The following CNTNAP5 variants were observed in gnomAD, a reference collection of about 807,000 sequenced individuals.
CNTNAP5 encodes the protein contactin associated protein family member 5.
A neutral mutation model predicts 150.2 loss-of-function variants in CNTNAP5; 72 were observed. That is an observed-to-expected ratio of 0.48 (90% CI 0.40 to 0.58). The LOEUF is 0.58. Among genes scored for constraint, CNTNAP5 ranks in the 20% least tolerant of loss-of-function variants. The pLI is 0.00. For synonymous variants in CNTNAP5, 672 were observed against 619.8 expected (o/e 1.08, Z -1.25); for missense variants, 1,636 against 1,626.2 (o/e 1.01, Z -0.10).
chr2:124,539,984 A>G (rs1695340812), intron 10 of CNTNAP5, among the ~76,000 whole-genome samples: 1 of 152,194 alleles, frequency 6.6e-6, no homozygotes, highest in Admixed American at 6.5e-5. Flanking sequence ...TACTGTAGAC[A>G]TAGCAGTAGA....
intron 1 of CNTNAP5, among the ~76,000 whole-genome samples, chr2:124,154,195 C>A (rs1459360996): frequency 6.6e-6 from 1 of 152,070 alleles, no homozygotes; most frequent in Non-Finnish European, 1.5e-5. Flanking sequence ...CCCTTTTGAG[C>A]CAGAAGGAGC....
intron 3 of CNTNAP5, among the ~76,000 whole-genome samples, chr2:124,367,477 A>T (rs899454832): frequency 6.6e-6 from 1 of 152,146 alleles, no homozygotes; most frequent in Admixed American, 6.5e-5. Context: ...CACCCCCATG[A>T]TTCAATTACC....
chr2:124,461,221 T>C (rs956223598), intron 6 of CNTNAP5, among the ~76,000 whole-genome samples: 4 of 152,214 alleles, frequency 2.6e-5, no homozygotes, highest in African/African-American at 4.8e-5. Context: ...TAAAGACACA[T>C]GCAGACGTAT....
intron 8 of CNTNAP5, among the ~76,000 whole-genome samples, chr2:124,515,357 C>CT (rs1301156657): frequency 6.6e-6 from 1 of 152,162 alleles, no homozygotes; most frequent in Non-Finnish European, 1.5e-5. Flanking sequence ...GAAGAGGAGA[C>CT]TAACATGGAC....
At chr2:124,827,695 A>G (rs1682627483) in intron 19 of CNTNAP5, among the ~76,000 whole-genome samples, 1 of 152,194 alleles carries the variant, frequency 6.6e-6, no homozygotes, top group African/African-American at 2.4e-5. Context: ...TTCGTATAAT[A>G]CATTTTCCTT....
At chr2:124,076,528 G>C (rs878863165) in intron 1 of CNTNAP5, among the ~76,000 whole-genome samples, 4 of 152,002 alleles carry the variant, frequency 2.6e-5, no homozygotes, top group Non-Finnish European at 5.9e-5. Context: ...TTTCTCAACT[G>C]TCCTCCTGTC....
chr2:124,025,475 C>T lies in CNTNAP5; in HGVS notation c.-176C>T, dbSNP rs944448253. On this transcript the variant is annotated 5_prime_UTR_variant, in exon 1 of 24. Coordinates refer to ENST00000682447, the MANE Select transcript of CNTNAP5 (RefSeq NM_001367498.1). ...CCCCAGCTGCAGCTCCGAAGAATCCCCCGCCACGGTTTCGGTGGAGCGTCT... is the reference window on the plus strand; with the variant it reads ...CCCCAGCTGCAGCTCCGAAGAATCCTCCGCCACGGTTTCGGTGGAGCGTCT... The T allele has an allele frequency of 1.9e-5, 12 of 616,474 alleles. No individual in the cohort carries two copies. Among genetic ancestry groups the T allele is most frequent in the African/African-American group, 1.7e-4 (9 of 54,424 alleles). The allele number at this position is 616,474 out of a possible 1,614,324, so 38.2% of individuals were successfully genotyped here.
chr2:124,815,698 A>T (rs1573636254), intron 19 of CNTNAP5, among the ~76,000 whole-genome samples: 1 of 150,924 alleles, frequency 6.6e-6, no homozygotes, highest in East Asian at 1.9e-4. Context: ...AAAATATACA[A>T]CTCCAGTTTT....
At chr2:124,430,177 G>C (rs957680424) in intron 4 of CNTNAP5, among the ~76,000 whole-genome samples, 6 of 152,282 alleles carry the variant, frequency 3.9e-5, no homozygotes, top group African/African-American at 1.4e-4. Flanking sequence ...CAGATGAGCT[G>C]AGCATCGTGG....
chr2:124,036,346 T>C (rs534843687), intron 1 of CNTNAP5, among the ~76,000 whole-genome samples: 9 of 151,954 alleles, frequency 5.9e-5, no homozygotes, highest in Admixed American at 5.2e-4. Flanking sequence ...GAACAGAAAC[T>C]GTTCACTAAG....
chr2:124,131,355 C>T (rs890382572), intron 1 of CNTNAP5, among the ~76,000 whole-genome samples: 4 of 152,192 alleles, frequency 2.6e-5, no homozygotes, highest in Admixed American at 2.0e-4. Context: ...CCATGAGATG[C>T]TTCCCCCAGG....
At chr2:124,366,797 G>A (rs555128120) in intron 3 of CNTNAP5, among the ~76,000 whole-genome samples, 2 of 152,228 alleles carry the variant, frequency 1.3e-5, no homozygotes, top group African/African-American at 2.4e-5. Context: ...AGAAAAGAGG[G>A]CTGAGTCTTA....
At chr2:124,247,426 C>T (rs901868776) in intron 3 of CNTNAP5, among the ~76,000 whole-genome samples, 1 of 152,082 alleles carries the variant, frequency 6.6e-6, no homozygotes, top group South Asian at 2.1e-4. Flanking sequence ...TATGGTAGCA[C>T]GGCAGCAGTT....
chr2:124,380,567 A>G (rs1298611393), intron 3 of CNTNAP5, among the ~76,000 whole-genome samples: 1 of 152,202 alleles, frequency 6.6e-6, no homozygotes, highest in African/African-American at 2.4e-5. Flanking sequence ...ACTTTAGCAC[A>G]TATCATGTAC....
In CNTNAP5 at chr2:124,713,277, CT is replaced by C. The variant is rs773377897; in HGVS notation, c.2078-33949del. Among the ~76,000 whole-genome samples, 315 of 106,074 alleles carry C rather than the reference CT, an allele frequency of 3.0e-3. 11 individuals carry two copies. The Middle Eastern group carries it at 0.038, about 13-fold the overall frequency. The allele number at this position is 106,074 out of a possible 152,430, so 69.6% of individuals were successfully genotyped here. ...TCTTTCTTTCTTTCTTTCTTTCTTT[CT>C]TTCTTTCTTTCTTTCTTTCTTTCTT... is the stretch of plus-strand genomic sequence containing the variant. On this transcript the variant is annotated intron_variant, in intron 13 of 23. Transcript: ENST00000682447.
intron 11 of CNTNAP5, among the ~76,000 whole-genome samples, chr2:124,607,155 A>C (rs1053761523): frequency 2.0e-5 from 3 of 152,200 alleles, no homozygotes; most frequent in Admixed American, 2.0e-4. Context: ...CTAAAACAAC[A>C]CCTGGAAACA....
intron 13 of CNTNAP5, among the ~76,000 whole-genome samples, chr2:124,670,206 C>T (rs1403248212): frequency 2.0e-5 from 2 of 99,110 alleles, no homozygotes; most frequent in African/African-American, 8.9e-5. Flanking sequence ...TCTCTCTTTC[C>T]TTCTTTCCCT....
chr2:124,505,914 A>G (rs571608847), intron 8 of CNTNAP5, among the ~76,000 whole-genome samples: 11 of 152,346 alleles, frequency 7.2e-5, no homozygotes, highest in Non-Finnish European at 1.6e-4. Flanking sequence ...GCAGGTCAAC[A>G]TCCATCATGG....
chr2:124,102,131 C>A (rs1683080196), intron 1 of CNTNAP5, among the ~76,000 whole-genome samples: 2 of 152,132 alleles, frequency 1.3e-5, no homozygotes, highest in Non-Finnish European at 2.9e-5. Flanking sequence ...CCCCCTGAAC[C>A]AGAATTAAAT....
Sources: allele counts gnomAD v4.1 joint callset (sites outside exome capture counted in the v4.1 genomes callset), GRCh38; gene constraint gnomAD v4.1.1; transcripts MANE v1.5; gene names NCBI Gene and HGNC (gene_info 2026-07-23, HGNC 2026-07-21).